The following ADAP2 variants were observed in gnomAD, a reference collection of about 807,000 sequenced individuals.
ADAP2 encodes the protein arf-GAP with dual PH domain-containing protein 2.
ADAP2 carries 42 observed loss-of-function variants against 54.9 expected under a neutral mutation model. The observed-to-expected ratio is 0.77, with a 90% CI of 0.60 to 0.99. ADAP2 has a LOEUF of 0.99. Ranked by LOEUF, ADAP2 falls within the 50% of genes least tolerant of loss-of-function variation. ADAP2 has a pLI of 0.00. For missense variants in ADAP2, 429 were observed against 480.4 expected, an observed-to-expected ratio of 0.89 and a Z score of 1.00; for synonymous variants, 177 against 180.1, an observed-to-expected ratio of 0.98 and a Z score of 0.14.
At chr17:30,945,110 G>T in intron 6 of ADAP2, 57 bp downstream of exon 6, 1 of 1,587,930 alleles carries the variant, frequency 6.3e-7, no homozygotes, top group Non-Finnish European at 8.6e-7. Context: ...GACTTGGCAG[G>T]TGCAGCTCAC....
At chr17:30,957,811 C>T (rs1393249849) in intron 10 of ADAP2, 24 bp from the exon 11 acceptor site, 1 of 1,613,352 alleles carries the variant, frequency 6.2e-7, no homozygotes, top group African/African-American at 1.3e-5. Flanking sequence ...CCACCTCCCT[C>T]AGCCCTCTTC....
At chr17:30,923,533 G>C (rs773473381) in intron 2 of ADAP2, among the ~76,000 whole-genome samples, 2 of 151,416 alleles carry the variant, frequency 1.3e-5, no homozygotes, top group African/African-American at 4.9e-5. Flanking sequence ...CAAAGTGCTG[G>C]GATTACAGGC....
chr17:30,929,348 C>T (rs750527645), intron 3 of ADAP2, among the ~76,000 whole-genome samples: 4 of 152,138 alleles, frequency 2.6e-5, no homozygotes, highest in African/African-American at 7.2e-5. Flanking sequence ...TGTCCATGGC[C>T]AGCTGTGGGG....
At chr17:30,925,564 CTTCTCTTT>C (rs1199956013) in intron 2 of ADAP2, among the ~76,000 whole-genome samples, 19 of 150,792 alleles carry the variant, frequency 1.3e-4, no homozygotes, top group Admixed American at 6.6e-4. Flanking sequence ...TCTTCTTCTT[CTTCTCTTT>C]TCTTTTCTTT....
intron 5 of ADAP2, among the ~76,000 whole-genome samples, chr17:30,935,089 G>A (rs117835451): frequency 0.014 from 2,148 of 152,140 alleles, 19 homozygotes; most frequent in Non-Finnish European, 0.022. Context: ...AACAAAAACC[G>A]GGCATGGTGG....
chr17:30,956,566 C>T (rs1392555784), intron 10 of ADAP2, 97 bp downstream of exon 10: 3 of 1,064,524 alleles, frequency 2.8e-6, no homozygotes, highest in Non-Finnish European at 4.2e-6. Context: ...ACAAAAGATT[C>T]CTGATTCCTG....
intron 5 of ADAP2, among the ~76,000 whole-genome samples, chr17:30,940,834 A>G (rs1912221229): frequency 6.6e-6 from 1 of 152,150 alleles, no homozygotes; most frequent in African/African-American, 2.4e-5. Context: ...ACACTCTCAT[A>G]ATGAGCAGAT....
intron 7 of ADAP2, among the ~76,000 whole-genome samples, chr17:30,949,618 A>C (rs1013155372): frequency 1.3e-5 from 2 of 151,916 alleles, no homozygotes; most frequent in Admixed American, 1.3e-4. Context: ...GTGTGGTGGC[A>C]GGCGCCTGTA....
intron 3 of ADAP2, among the ~76,000 whole-genome samples, chr17:30,927,159 C>T (rs566808750): frequency 6.6e-6 from 1 of 152,200 alleles, no homozygotes; most frequent in Non-Finnish European, 1.5e-5. Flanking sequence ...TTCCACAGCT[C>T]TTAAATGGAG....
At chr17:30,954,651 C>T in intron 9 of ADAP2, 96 bp downstream of exon 9, 1 of 988,686 alleles carries the variant, frequency 1.0e-6, no homozygotes, top group Non-Finnish European at 1.6e-6. Flanking sequence ...AAACACATCT[C>T]CCAGAGCCCC....
chr17:30,923,688 T>G (rs1910814208), intron 2 of ADAP2, among the ~76,000 whole-genome samples: 1 of 149,834 alleles, frequency 6.7e-6, no homozygotes, highest in South Asian at 2.1e-4. Context: ...TTTTTTTCTT[T>G]CTTCCTTTTT....
chr17:30,947,154 G>A (rs961290387), intron 6 of ADAP2, among the ~76,000 whole-genome samples: 10 of 152,188 alleles, frequency 6.6e-5, no homozygotes, highest in Admixed American at 3.9e-4. Flanking sequence ...TAAATGGACA[G>A]GCATAAGGGA....
rs1334443615 is a variant in ADAP2, at chr17:30,949,743, C to T, written c.741+373C>T. On this transcript the variant is annotated intron_variant, in intron 7 of 10. Transcript: ENST00000330889. Reference sequence around the variant, plus strand: ...CAGCCTGGGTGACAGAGTGAGACTCCGTCTCAAAAAAAAAAAAAAAAAAAA... The same window carrying T: ...CAGCCTGGGTGACAGAGTGAGACTCTGTCTCAAAAAAAAAAAAAAAAAAAA... Among the ~76,000 whole-genome samples, 9 of 123,768 alleles carry T rather than the reference C, an allele frequency of 7.3e-5. No homozygotes were observed. The East Asian group carries it at 8.3e-4, about 11-fold the overall frequency. The allele number at this position is 123,768 out of a possible 152,430, so 81.2% of individuals were successfully genotyped here.
chr17:30,931,163 G>A (rs1911448758), intron 3 of ADAP2, among the ~76,000 whole-genome samples: 1 of 152,162 alleles, frequency 6.6e-6, no homozygotes, highest in South Asian at 2.1e-4. Flanking sequence ...CACAGTGGGA[G>A]CAGGTGGTGT....
rs190257960 is a variant in ADAP2, at chr17:30,943,182, A to T, written c.511-1725A>T. 4.8e-3 allele frequency among the ~76,000 whole-genome samples: 725 copies of T among 152,294 alleles called. 9 individuals carry two copies. The highest frequency in any genetic ancestry group is 0.017 in the African/African-American group (699 of 41,564). On this transcript the variant is annotated intron_variant, in intron 5 of 10. Transcript: ENST00000330889. ...GGAGTTCGAGATCAGCCTGACCAAC[A>T]TGGAGAAACCCTGTCTCTACTAAAA...
At position 30,953,403 on chromosome 17, in the gene ADAP2, G is replaced by C. The variant is rs2232275; in HGVS notation, c.804+53G>C. The C allele has an allele frequency of 7.1e-6, 11 of 1,550,764 alleles. 1 individual carries two copies. The African/African-American group carries it at 1.5e-4, about 21-fold the overall frequency. ...TAATATGGTTTAATGTATATAGAAG[G>C]TTTCATGTGTTTATGGGATGATTGT... On this transcript the variant is annotated intron_variant, in intron 8 of 10. Transcript: ENST00000330889.
chr17:30,928,002 G>A (rs1911189216), intron 3 of ADAP2, among the ~76,000 whole-genome samples: 1 of 151,172 alleles, frequency 6.6e-6, no homozygotes, highest in African/African-American at 2.4e-5. Flanking sequence ...TAGTATGAGT[G>A]ACAGAGTGAG....
chr17:30,951,064 G>A (rs1904592571), intron 7 of ADAP2, among the ~76,000 whole-genome samples: 1 of 152,170 alleles, frequency 6.6e-6, no homozygotes, highest in African/African-American at 2.4e-5. Context: ...CACCAGGCCT[G>A]GCTCAAGCTT....
At chr17:30,926,438 T>A (rs777770903) in intron 2 of ADAP2, among the ~76,000 whole-genome samples, 2 of 152,196 alleles carry the variant, frequency 1.3e-5, no homozygotes, top group Non-Finnish European at 2.9e-5. Flanking sequence ...GTGGAAGGCA[T>A]GATAGGAAGA....
Sources: gnomAD v4.1 joint callset for allele counts (sites outside exome capture counted in the v4.1 genomes callset) on GRCh38, gnomAD v4.1.1 for gene constraint, MANE v1.5 for transcripts, NCBI Gene and HGNC (gene_info 2026-07-23, HGNC 2026-07-21) for gene names.